The following ANK2 variants were observed in gnomAD, a reference collection of about 807,000 sequenced individuals.
ANK2 encodes the protein ankyrin 2.
In ANK2, 83 loss-of-function variants were observed where a neutral mutation model predicts 360.5. That is an observed-to-expected ratio of 0.23 (90% CI 0.19 to 0.28). ANK2 has a LOEUF of 0.28. Among genes scored for constraint, ANK2 ranks in the 10% least tolerant of loss-of-function variants. The pLI, the probability that ANK2 is intolerant of heterozygous loss-of-function variation, is 1.00. For missense variants in ANK2, 4,201 were observed against 4,795.7 expected (o/e 0.88, Z 3.66); for synonymous variants, 1,740 against 1,759.5 (o/e 0.99, Z 0.28).
the ANK2 span, among the ~76,000 whole-genome samples, chr4:112,790,664 T>A: frequency 6.6e-6 from 1 of 152,032 alleles, no homozygotes; most frequent in Non-Finnish European, 1.5e-5. Flanking sequence ...ATTTTTGTAT[T>A]TTCAGTACAG....
At chr4:113,187,332 T>C (rs182325696) in intron 2 of ANK2, among the ~76,000 whole-genome samples, 4 of 152,290 alleles carry the variant, frequency 2.6e-5, no homozygotes, top group Non-Finnish European at 5.9e-5. Context: ...GTTGAGAATA[T>C]AGTTTCTCAT....
chr4:112,777,350 T>A, the ANK2 span, among the ~76,000 whole-genome samples: 1 of 152,018 alleles, frequency 6.6e-6, no homozygotes, highest in Non-Finnish European at 1.5e-5. Context: ...GCCATTCTCC[T>A]GCCTCAGCCT....
chr4:113,356,466 A>G lies in ANK2; in HGVS notation c.7848A>G (p.Lys2616=), dbSNP rs1334157294. Reference sequence around the variant, plus strand: ...AAAGGGACTACAAAAAAGAACCCAAACAAGAAGAATCTTCTTCATCTTCTG... The same window carrying G: ...AAAGGGACTACAAAAAAGAACCCAAGCAAGAAGAATCTTCTTCATCTTCTG... ...KQKRDYKKEP[K]QEESSSSSDP... is the part of the protein sequence containing the mutation. The change falls in exon 38 of 46, where the codon AAA becomes AAG. Residue 2616 remains lysine, a synonymous_variant. Transcript: ENST00000357077. 32 of 1,614,182 alleles carry G rather than the reference A, an allele frequency of 2.0e-5. No individual in the cohort carries two copies. The highest frequency in any genetic ancestry group is 2.6e-5 in the Non-Finnish European group (31 of 1,179,990).
At chr4:112,996,795 T>G (rs1578621669) in intron 2 of ANK2, among the ~76,000 whole-genome samples, 1 of 152,304 alleles carries the variant, frequency 6.6e-6, no homozygotes, top group Non-Finnish European at 1.5e-5. Flanking sequence ...TTGACTATAG[T>G]TACCCTGTTG....
chr4:113,235,270 T>C (rs1421213147), intron 5 of ANK2, among the ~76,000 whole-genome samples: 2 of 152,152 alleles, frequency 1.3e-5, no homozygotes, highest in African/African-American at 4.8e-5. Context: ...AGTTCTAAAT[T>C]CAGGCTACTA....
At chr4:113,179,172 A>G (rs1378426495) in intron 2 of ANK2, among the ~76,000 whole-genome samples, 3 of 152,214 alleles carry the variant, frequency 2.0e-5, no homozygotes, top group Non-Finnish European at 4.4e-5. Context: ...CTAAGTATAC[A>G]ATATTCAAAG....
chr4:112,819,399 T>G (rs1289062103), intron 1 of ANK2, among the ~76,000 whole-genome samples: 1 of 152,200 alleles, frequency 6.6e-6, no homozygotes, highest in Non-Finnish European at 1.5e-5. Context: ...TCTATGAATC[T>G]CTGCACAAAC....
At chr4:113,149,753 A>T (rs1317064339) in intron 1 of ANK2, among the ~76,000 whole-genome samples, 8 of 151,244 alleles carry the variant, frequency 5.3e-5, no homozygotes, top group Non-Finnish European at 4.4e-5. Context: ...GCACACGCCC[A>T]TGGTCCCAGC....
chr4:112,958,524 A>T (rs1313938655), intron 2 of ANK2, among the ~76,000 whole-genome samples: 1 of 152,208 alleles, frequency 6.6e-6, no homozygotes, highest in Non-Finnish European at 1.5e-5. Context: ...GGGAGGCTGC[A>T]GCGAGCCGAG....
intron 4 of ANK2, among the ~76,000 whole-genome samples, chr4:113,222,391 A>ATT (rs397880062): frequency 0.029 from 3,556 of 122,336 alleles, 58 homozygotes; most frequent in East Asian, 0.069. Context: ...CTCTGAAACA[A>ATT]TTTTTTTTTT....
In ANK2 at chr4:113,053,130, T is replaced by C. The variant is rs573880774; in HGVS notation, c.84+3318T>C. On this transcript the variant is annotated intron_variant, in intron 1 of 45. Coordinates refer to ENST00000357077, the MANE Select transcript of ANK2 (RefSeq NM_001148.6). ...TCATGGTCAGAGTGGCCTTGTCTGA[T>C]GCTGATGCTTTGAGAAATTTTTTAT... Among the ~76,000 whole-genome samples the C allele has an allele frequency of 9.7e-4, 148 of 152,304 alleles. 2 individuals carry two copies. Among genetic ancestry groups the C allele is most frequent in the African/African-American group, 3.4e-3 (140 of 41,572 alleles).
At chr4:113,083,266 T>C (rs748735200) in intron 1 of ANK2, among the ~76,000 whole-genome samples, 23 of 152,068 alleles carry the variant, frequency 1.5e-4, no homozygotes, top group Non-Finnish European at 3.1e-4. Flanking sequence ...GTCACCTTGA[T>C]CTTCTGGGCT....
chr4:113,305,203 A>G lies in ANK2; in HGVS notation c.2548+2364A>G, dbSNP rs370866158. On this transcript the variant is annotated intron_variant, in intron 23 of 45. Coordinates refer to ENST00000357077, the MANE Select transcript of ANK2 (RefSeq NM_001148.6). ...AAAATACAAAAAATTAGCCGGGCGT[A>G]GTGGCGGGCGCCTGTAGTCCCAGCT... Among the ~76,000 whole-genome samples the G allele has an allele frequency of 6.7e-4, 100 of 149,446 alleles. 1 individual carries two copies. In the East Asian group the frequency reaches 0.014, roughly 20 times the overall value.
chr4:113,145,671 CG>C, intron 1 of ANK2: 5 of 1,133,054 alleles, frequency 4.4e-6, no homozygotes, highest in Non-Finnish European at 5.5e-6. Context: ...CTGCAGTTGC[CG>C]GGGGTTTTGA....
chr4:112,733,193 G>T, the ANK2 span, among the ~76,000 whole-genome samples: 143 of 152,148 alleles, frequency 9.4e-4, no homozygotes, highest in African/African-American at 2.8e-3. Flanking sequence ...TCCAGCATGG[G>T]CGACAAAACA....
intron 1 of ANK2, among the ~76,000 whole-genome samples, chr4:113,152,095 GAAA>G (rs67160535): frequency 7.7e-6 from 1 of 130,604 alleles, no homozygotes; most frequent in Non-Finnish European, 1.6e-5. Context: ...AAAAAAAAAA[GAAA>G]AAAGAAGGAA....
rs532297191 is a variant in ANK2 at position 112,958,270 on chromosome 4, C to G, written c.21+53756C>G. Among the ~76,000 whole-genome samples, 18 of 152,318 alleles carry G rather than the reference C, an allele frequency of 1.2e-4. No individual in the cohort carries two copies. The East Asian group carries it at 3.1e-3, about 26-fold the overall frequency. ...CTGGGAGGTGGAGGTTGTAGCGAGCCGAGATCACGCCATTGCACTCCAGCC... is the reference window on the plus strand; with the variant it reads ...CTGGGAGGTGGAGGTTGTAGCGAGCGGAGATCACGCCATTGCACTCCAGCC... On this transcript the variant is annotated intron_variant, in intron 2 of 30. Transcript: ENST00000503271.
Position 113,356,967 on chromosome 4 carries a change from C to A in ANK2, c.8349C>A (p.Ser2783Arg), listed in dbSNP as rs2095824712. The A allele has an allele frequency of 1.2e-6, 2 of 1,614,068 alleles. No homozygotes were observed. The highest frequency in any genetic ancestry group is 3.3e-5 in the Admixed American group (2 of 60,024). Reference sequence around the variant, plus strand: ...ATGGATGTGAGGCCATGAGTCCTAGCAGCTCAGCTGCTCCTGTCTCTTCAG... The same window carrying A: ...ATGGATGTGAGGCCATGAGTCCTAGAAGCTCAGCTGCTCCTGTCTCTTCAG... ...DGHGCEAMSP[S>R]SSAAPVSSGL... The change falls in exon 38 of 46, where the codon AGC becomes AGA. Residue 2783 changes from serine to arginine, a missense_variant. Transcript: ENST00000357077.
intron 4 of ANK2, among the ~76,000 whole-genome samples, chr4:113,223,493 T>A (rs529972264): frequency 6.6e-6 from 1 of 152,278 alleles, no homozygotes; most frequent in South Asian, 2.1e-4. Context: ...CTCAGAAAAC[T>A]GGAAATAGCA....
Sources: allele counts gnomAD v4.1 joint callset (sites outside exome capture counted in the v4.1 genomes callset), GRCh38; gene constraint gnomAD v4.1.1; transcripts MANE v1.5; gene names NCBI Gene and HGNC (gene_info 2026-07-23, HGNC 2026-07-21).